Variants in CNTN1 observed in about 807,000 individuals in gnomAD.
The protein encoded by CNTN1 is contactin-1.
CNTN1 carries 38 observed loss-of-function variants against 126.4 expected under a neutral mutation model. That is an observed-to-expected ratio of 0.30 (90% CI 0.23 to 0.39). The LOEUF (loss-of-function observed/expected upper bound fraction) is 0.39. Among genes scored for constraint, CNTN1 ranks in the 10% least tolerant of loss-of-function variants. The probability of loss-of-function intolerance (pLI) is 1.00; values close to 1 mark genes in which losing one functional copy is unlikely to be tolerated. For synonymous variants in CNTN1, 413 were observed against 422.6 expected, an observed-to-expected ratio of 0.98 and a Z score of 0.28; for missense variants, 1,009 against 1,248.4, an observed-to-expected ratio of 0.81 and a Z score of 2.89.
intron 1 of CNTN1, among the ~76,000 whole-genome samples, chr12:40,887,930 T>C (rs990706572): frequency 6.8e-5 from 10 of 147,598 alleles, no homozygotes; most frequent in Admixed American, 4.9e-4. Flanking sequence ...AACCAAACAC[T>C]GCATGTTCTC....
intron 19 of CNTN1, among the ~76,000 whole-genome samples, chr12:41,017,376 C>T (rs1310088850): frequency 6.9e-5 from 9 of 130,540 alleles, no homozygotes; most frequent in Admixed American, 1.5e-4. Flanking sequence ...AGCAAGACTC[C>T]GTCTCAAAAA....
chr12:40,708,313 T>G (rs1941821874), intron 1 of CNTN1, among the ~76,000 whole-genome samples: 1 of 152,250 alleles, frequency 6.6e-6, no homozygotes, highest in African/African-American at 2.4e-5. Flanking sequence ...GATATTTCAA[T>G]GCTTATAAAA....
rs187596818 is a variant in CNTN1 at position 41,069,724 on chromosome 12, A to G, written c.2981-235A>G. ...GGACAGCATACACATTTGTGATCAT[A>G]TTATTTTAAATGATTAATCATGTTG... is the stretch of plus-strand genomic sequence containing the variant. On this transcript the variant is annotated intron_variant, in intron 23 of 23. Coordinates refer to ENST00000551295, the MANE Select transcript of CNTN1 (RefSeq NM_001843.4). Among the ~76,000 whole-genome samples the G allele has an allele frequency of 2.6e-5, 4 of 152,214 alleles. No individual in the cohort carries two copies. In the East Asian group the frequency reaches 7.7e-4, roughly 29 times the overall value.
chr12:40,752,088 T>A (rs900572942), intron 1 of CNTN1, among the ~76,000 whole-genome samples: 4 of 152,276 alleles, frequency 2.6e-5, no homozygotes, highest in African/African-American at 7.2e-5. Context: ...TAAGTTTTTT[T>A]ATGAGCCATT....
chr12:40,911,284 A>T (rs371670473), intron 3 of CNTN1, among the ~76,000 whole-genome samples: 1 of 151,816 alleles, frequency 6.6e-6, no homozygotes, highest in South Asian at 2.1e-4. Flanking sequence ...GTTTCACCAT[A>T]TTAGCCAGGA....
intron 1 of CNTN1, among the ~76,000 whole-genome samples, chr12:40,870,074 G>A (rs951172241): frequency 2.6e-5 from 4 of 152,104 alleles, no homozygotes; most frequent in Non-Finnish European, 1.5e-5. Flanking sequence ...CCCTGCACAA[G>A]CCCTCTTGTC....
chr12:40,827,468 CATTT>C (rs1370781406), intron 1 of CNTN1, among the ~76,000 whole-genome samples: 1 of 152,084 alleles, frequency 6.6e-6, no homozygotes, highest in Non-Finnish European at 1.5e-5. Context: ...CTCTTTCTTT[CATTT>C]ATTTATTTAT....
intron 16 of CNTN1, among the ~76,000 whole-genome samples, chr12:40,990,335 A>G (rs1948069284): frequency 6.6e-6 from 1 of 152,168 alleles, no homozygotes; most frequent in African/African-American, 2.4e-5. Context: ...CCATTCTGGA[A>G]TTCCATCCCC....
intron 1 of CNTN1, among the ~76,000 whole-genome samples, chr12:40,857,917 T>C (rs1942969336): frequency 6.6e-6 from 1 of 152,148 alleles, no homozygotes; most frequent in Admixed American, 6.6e-5. Flanking sequence ...TTTTTAATTC[T>C]GTGTACACAT....
chr12:40,822,521 GCTTGTAGGCTCTATGTTGATA>G (rs1430676839), intron 1 of CNTN1, among the ~76,000 whole-genome samples: 1 of 152,034 alleles, frequency 6.6e-6, no homozygotes, highest in African/African-American at 2.4e-5. Context: ...TCAACATTAA[GCTTGTAGGCTCTATGTTGATA>G]CTTGTAGCTC....
Position 41,067,473 on chromosome 12 carries a change from C to T in CNTN1, c.2981-2486C>T, listed in dbSNP as rs77784568. On this transcript the variant is annotated intron_variant, in intron 23 of 23. Transcript: ENST00000551295. ...TGGAGACCCTGCAGTCATCCTCAGACAAAAAAGGCTTCAGAATGATGATTT... is the reference window on the plus strand; with the variant it reads ...TGGAGACCCTGCAGTCATCCTCAGATAAAAAAGGCTTCAGAATGATGATTT... Among the ~76,000 whole-genome samples the T allele has an allele frequency of 3.3e-5, 5 of 151,914 alleles. No individual in the cohort carries two copies. In the East Asian group the frequency reaches 9.7e-4, roughly 29 times the overall value.
At chr12:40,758,961 A>G (rs747687839) in intron 1 of CNTN1, among the ~76,000 whole-genome samples, 6 of 151,834 alleles carry the variant, frequency 4.0e-5, no homozygotes, top group Non-Finnish European at 4.4e-5. Context: ...CTGGAGTGCA[A>G]TGGCCCGACC....
chr12:40,919,742 G>C (rs1184534781), intron 4 of CNTN1, among the ~76,000 whole-genome samples: 1 of 152,032 alleles, frequency 6.6e-6, no homozygotes, highest in Non-Finnish European at 1.5e-5. Flanking sequence ...ATAAAATTGT[G>C]AATTTAGATA....
At chr12:40,908,591 C>G in intron 2 of CNTN1, 98 bp downstream of exon 2, 1 of 855,140 alleles carries the variant, frequency 1.2e-6, no homozygotes. Flanking sequence ...TTCTTATTTT[C>G]TCGACATCTG....
intron 1 of CNTN1, among the ~76,000 whole-genome samples, chr12:40,837,259 T>A (rs187072957): frequency 3.1e-4 from 47 of 152,202 alleles, no homozygotes; most frequent in African/African-American, 1.1e-3. Flanking sequence ...ATATATTACC[T>A]GAGAGACGGT....
intron 1 of CNTN1, among the ~76,000 whole-genome samples, chr12:40,899,107 T>C (rs1490408502): frequency 3.8e-4 from 58 of 152,172 alleles, no homozygotes; most frequent in Non-Finnish European, 5.9e-5. Context: ...CACTATTTCT[T>C]TACAGGTCTT....
chr12:40,847,206 G>A (rs998255272), intron 1 of CNTN1, among the ~76,000 whole-genome samples: 9 of 151,880 alleles, frequency 5.9e-5, no homozygotes, highest in African/African-American at 2.2e-4. Context: ...CTTCCTTTTT[G>A]TTTTCTAATC....
At chr12:40,734,086 G>A (rs1227799477) in intron 1 of CNTN1, among the ~76,000 whole-genome samples, 3 of 152,046 alleles carry the variant, frequency 2.0e-5, no homozygotes, top group Non-Finnish European at 2.9e-5. Flanking sequence ...CAAAGTCAGT[G>A]TGCCCCACTG....
chr12:41,008,517 C>T (rs10879519), intron 17 of CNTN1, among the ~76,000 whole-genome samples: 15,594 of 152,120 alleles, frequency 0.1, 910 homozygotes, highest in Non-Finnish European at 0.13. Flanking sequence ...AGAAATATGT[C>T]ATTGGGTGGC....
Sources: allele counts gnomAD v4.1 joint callset (sites outside exome capture counted in the v4.1 genomes callset), GRCh38; gene constraint gnomAD v4.1.1; transcripts MANE v1.5; gene names NCBI Gene and HGNC (gene_info 2026-07-23, HGNC 2026-07-21).